THSD7A: variants seen among roughly 807,000 people sequenced by gnomAD.
THSD7A encodes the protein thrombospondin type 1 domain containing 7A, also known as thrombospondin type-1 domain-containing protein 7A.
THSD7A carries 96 observed loss-of-function variants against 231.3 expected under a neutral mutation model. The observed-to-expected ratio is 0.41, with a 90% CI of 0.35 to 0.49. The LOEUF is 0.49. Ranked by LOEUF, THSD7A falls within the 20% of genes least tolerant of loss-of-function variation. The pLI, the probability that THSD7A is intolerant of heterozygous loss-of-function variation, is 0.05. For synonymous variants in THSD7A, 940 were observed against 743.3 expected, an observed-to-expected ratio of 1.26 and a Z score of -4.30; for missense variants, 2,290 against 2,070.2, an observed-to-expected ratio of 1.11 and a Z score of -2.06.
intron 2 of THSD7A, among the ~76,000 whole-genome samples, chr7:11,628,952 A>C (rs1781561974): frequency 6.6e-6 from 1 of 152,200 alleles, no homozygotes; most frequent in African/African-American, 2.4e-5. Flanking sequence ...AGCATCTTGC[A>C]GCTATTAACT....
intron 1 of THSD7A, among the ~76,000 whole-genome samples, chr7:11,821,451 T>C (rs1456175247): frequency 6.6e-6 from 1 of 152,166 alleles, no homozygotes. Flanking sequence ...TAGAAACATT[T>C]AATTTGGGAA....
chr7:11,736,098 G>C (rs1781904368), intron 1 of THSD7A, among the ~76,000 whole-genome samples: 1 of 151,376 alleles, frequency 6.6e-6, no homozygotes, highest in East Asian at 2.0e-4. Context: ...TTAATATCAA[G>C]GCAAAGAACC....
chr7:11,648,698 G>T (rs556827188), intron 1 of THSD7A, among the ~76,000 whole-genome samples: 3 of 139,782 alleles, frequency 2.1e-5, no homozygotes, highest in Non-Finnish European at 3.1e-5. Flanking sequence ...TCCTAGATGT[G>T]AGTAATTCTC....
chr7:11,822,015 G>A (rs957517819), intron 1 of THSD7A, among the ~76,000 whole-genome samples: 1 of 152,136 alleles, frequency 6.6e-6, no homozygotes, highest in African/African-American at 2.4e-5. Context: ...ATTGCTCCAA[G>A]TATTACCTAG....
At chr7:11,453,142 G>T (rs1052228177) in intron 11 of THSD7A, among the ~76,000 whole-genome samples, 1 of 151,792 alleles carries the variant, frequency 6.6e-6, no homozygotes, top group East Asian at 1.9e-4. Flanking sequence ...TTTAAAAAAA[G>T]AGCAAAGTGG....
At chr7:11,546,189 G>GGTGCGGGCGCGTGT (rs1211087296) in intron 4 of THSD7A, among the ~76,000 whole-genome samples, 1 of 84,234 alleles carries the variant, frequency 1.2e-5, no homozygotes, top group African/African-American at 6.3e-5. Flanking sequence ...TGTTGTTGCT[G>GGTGCGGGCGCGTGT]GTGTGGGCGC....
intron 6 of THSD7A, 41 bp from the exon 7 acceptor site, chr7:11,482,023 T>C (rs1403087199): frequency 6.5e-7 from 1 of 1,533,310 alleles, no homozygotes; most frequent in Admixed American, 2.0e-5. Flanking sequence ...ATTGTTAAAT[T>C]AATGTAAAAT....
intron 4 of THSD7A, among the ~76,000 whole-genome samples, chr7:11,547,400 A>G (rs968857110): frequency 7.2e-5 from 11 of 152,218 alleles, no homozygotes; most frequent in East Asian, 5.8e-4. Context: ...CTATCTTAAG[A>G]GACCATATCA....
At chr7:11,477,937 A>G (rs896989284) in intron 7 of THSD7A, among the ~76,000 whole-genome samples, 2 of 152,166 alleles carry the variant, frequency 1.3e-5, no homozygotes, top group Non-Finnish European at 2.9e-5. Flanking sequence ...TGTTTATTCT[A>G]TATTTATCTT....
At chr7:11,596,292 G>A (rs1241472904) in intron 2 of THSD7A, among the ~76,000 whole-genome samples, 1 of 152,146 alleles carries the variant, frequency 6.6e-6, no homozygotes, top group Non-Finnish European at 1.5e-5. Flanking sequence ...ACACTGGCTC[G>A]GAGCTGACAT....
At chr7:11,508,508 G>A (rs1218478348) in intron 6 of THSD7A, among the ~76,000 whole-genome samples, 1 of 152,174 alleles carries the variant, frequency 6.6e-6, no homozygotes, top group Non-Finnish European at 1.5e-5. Flanking sequence ...AATACAAAAT[G>A]GTGTAGCTGC....
At chr7:11,805,110 A>G (rs1158793800) in intron 1 of THSD7A, among the ~76,000 whole-genome samples, 1 of 152,066 alleles carries the variant, frequency 6.6e-6, no homozygotes, top group Non-Finnish European at 1.5e-5. Context: ...CTGAGCCTCT[A>G]CTGTGTCCCT....
At chr7:11,726,751 T>G (rs1373626423) in intron 1 of THSD7A, among the ~76,000 whole-genome samples, 1 of 152,042 alleles carries the variant, frequency 6.6e-6, no homozygotes, top group Non-Finnish European at 1.5e-5. Flanking sequence ...GTATGAGTAG[T>G]GCTGAAATTA....
chr7:11,395,676 C>T (rs559256758), intron 23 of THSD7A, among the ~76,000 whole-genome samples: 12 of 152,028 alleles, frequency 7.9e-5, no homozygotes, highest in South Asian at 2.1e-4. Flanking sequence ...TACAGGCACC[C>T]GCCACCATGT....
chr7:11,480,434 T>A (rs1282767020), intron 7 of THSD7A, among the ~76,000 whole-genome samples: 4 of 152,164 alleles, frequency 2.6e-5, no homozygotes, highest in African/African-American at 9.7e-5. Context: ...GATCTAATTT[T>A]AATGAAGCCC....
At chr7:11,821,150 A>G (rs1784861818) in intron 1 of THSD7A, 2 of 1,114,548 alleles carry the variant, frequency 1.8e-6, no homozygotes, top group Non-Finnish European at 2.7e-6. Context: ...TATTTAGTAA[A>G]GTGTTTATGT....
At chr7:11,630,093 C>G (rs1781600506) in intron 2 of THSD7A, among the ~76,000 whole-genome samples, 1 of 152,096 alleles carries the variant, frequency 6.6e-6, no homozygotes, top group African/African-American at 2.4e-5. Flanking sequence ...TTGATTCAGC[C>G]AGCTTCACAA....
chr7:11,508,800 T>G (rs756960037), intron 6 of THSD7A, among the ~76,000 whole-genome samples: 14 of 152,258 alleles, frequency 9.2e-5, no homozygotes, highest in Non-Finnish European at 1.8e-4. Context: ...ATAACATGGA[T>G]TAATCTTGAA....
chr7:11,521,126 TAC>T (rs1788243984), intron 6 of THSD7A, among the ~76,000 whole-genome samples: 1 of 152,202 alleles, frequency 6.6e-6, no homozygotes, highest in African/African-American at 2.4e-5. Flanking sequence ...ATAAATGTAC[TAC>T]ACAGACATTT....
Sources: allele counts gnomAD v4.1 joint callset (sites outside exome capture counted in the v4.1 genomes callset), GRCh38; gene constraint gnomAD v4.1.1; transcripts MANE v1.5; gene names NCBI Gene and HGNC (gene_info 2026-07-23, HGNC 2026-07-21).